The following TAF2 variants were observed in gnomAD, a reference collection of about 807,000 sequenced individuals.
The protein encoded by TAF2 is transcription initiation factor TFIID subunit 2.
Under a neutral mutation model 138.5 loss-of-function variants are expected in TAF2, and 61 were observed. The observed-to-expected ratio is 0.44, with a 90% confidence interval of 0.36 to 0.54. The LOEUF is 0.54. TAF2 is among the 20% of genes least tolerant of loss of function. TAF2 has a pLI of 0.00. For missense variants in TAF2, 1,090 were observed against 1,427.9 expected, an observed-to-expected ratio of 0.76 and a Z score of 3.81; for synonymous variants, 475 against 469.9, an observed-to-expected ratio of 1.01 and a Z score of -0.14.
intron 14 of TAF2, among the ~76,000 whole-genome samples, chr8:119,787,650 A>G (rs1823118232): frequency 6.6e-6 from 1 of 152,246 alleles, no homozygotes; most frequent in Non-Finnish European, 1.5e-5. Flanking sequence ...GGAAGTGTAA[A>G]TTAGTTCAAC....
intron 18 of TAF2, chr8:119,766,927 G>T (rs1821467458): frequency 6.6e-6 from 1 of 152,174 alleles, no homozygotes; most frequent in Non-Finnish European, 1.5e-5. Flanking sequence ...ATAGGGTAAA[G>T]AAGCGCTCTC....
intron 9 of TAF2, among the ~76,000 whole-genome samples, chr8:119,794,798 T>C (rs1480150897): frequency 1.3e-5 from 2 of 152,190 alleles, no homozygotes; most frequent in East Asian, 1.9e-4. Flanking sequence ...CTCTAGGTGT[T>C]TGAAGTCTTC....
chr8:119,821,962 G>A (rs1242451092), intron 2 of TAF2, among the ~76,000 whole-genome samples: 1 of 152,140 alleles, frequency 6.6e-6, no homozygotes, highest in Non-Finnish European at 1.5e-5. Context: ...AGCCTGGGAG[G>A]TTGAGGCTGC....
intron 2 of TAF2, among the ~76,000 whole-genome samples, chr8:119,820,789 T>G (rs976081048): frequency 6.2e-4 from 95 of 152,304 alleles, no homozygotes; most frequent in African/African-American, 2.1e-3. Flanking sequence ...ACACTTAAAT[T>G]AGAACAATCA....
At chr8:119,736,723 G>C (rs1442784593) in intron 25 of TAF2, among the ~76,000 whole-genome samples, 3 of 152,088 alleles carry the variant, frequency 2.0e-5, no homozygotes, top group African/African-American at 4.8e-5. Flanking sequence ...ATGAATTAAG[G>C]AATCTAGTTT....
intron 6 of TAF2, among the ~76,000 whole-genome samples, chr8:119,798,436 TC>T (rs1168040682): frequency 3.3e-5 from 5 of 152,170 alleles, no homozygotes; most frequent in Middle Eastern, 3.2e-3. Context: ...TCATATGCTA[TC>T]TCTTATTATG....
chr8:119,743,079 T>A (rs6998058), intron 24 of TAF2, among the ~76,000 whole-genome samples: 66,719 of 150,408 alleles, frequency 0.44, 15,186 homozygotes, highest in Admixed American at 0.53. Context: ...AAAAAAAAAA[T>A]TTAAAAAAAC....
chr8:119,810,017 A>AAAC (rs1554659431), intron 3 of TAF2, among the ~76,000 whole-genome samples: 2 of 151,340 alleles, frequency 1.3e-5, no homozygotes, highest in Non-Finnish European at 2.9e-5. Flanking sequence ...AAAAAAAAAA[A>AAAC]CAGTATCTGC....
chr8:119,791,561 G>T, intron 10 of TAF2, 102 bp from the exon 11 acceptor site: 1 of 1,323,696 alleles, frequency 7.6e-7, no homozygotes, highest in Non-Finnish European at 1.0e-6. Flanking sequence ...AACCTCAGGA[G>T]AATATATAAG....
intron 2 of TAF2, among the ~76,000 whole-genome samples, chr8:119,823,020 T>C (rs562468277): frequency 9.2e-5 from 14 of 152,280 alleles, no homozygotes; most frequent in Admixed American, 7.2e-4. Context: ...AATGGTCCTT[T>C]AGCACCCACT....
At chr8:119,803,747 A>G in intron 5 of TAF2, 131 bp downstream of exon 5, 1 of 971,066 alleles carries the variant, frequency 1.0e-6, no homozygotes, top group South Asian at 1.8e-5. Flanking sequence ...ACAGAAAGTA[A>G]TTTGAAAGAA....
intron 22 of TAF2, among the ~76,000 whole-genome samples, chr8:119,753,748 G>A (rs1322944065): frequency 1.3e-5 from 2 of 152,070 alleles, no homozygotes; most frequent in Admixed American, 1.3e-4. Flanking sequence ...TATTTATTTT[G>A]TCCAAAACAT....
chr8:119,806,138 G>C, intron 4 of TAF2, 145 bp downstream of exon 4: 1 of 734,310 alleles, frequency 1.4e-6, no homozygotes, highest in Non-Finnish European at 2.4e-6. Flanking sequence ...CTGATCTTAG[G>C]TGATCCACCC....
chr8:119,804,760 T>C (rs1228533642), intron 4 of TAF2, among the ~76,000 whole-genome samples: 9 of 152,206 alleles, frequency 5.9e-5, no homozygotes, highest in Non-Finnish European at 7.3e-5. Flanking sequence ...TTTCAAGTTC[T>C]TTCTCTTATT....
intron 2 of TAF2, among the ~76,000 whole-genome samples, chr8:119,823,183 C>A (rs1825895963): frequency 6.6e-6 from 1 of 152,128 alleles, no homozygotes; most frequent in East Asian, 1.9e-4. Context: ...GAATTTTGTG[C>A]CATCTTTTTC....
At chr8:119,791,293 C>T in intron 11 of TAF2, 31 bp downstream of exon 11, 7 of 1,608,086 alleles carry the variant, frequency 4.4e-6, no homozygotes, top group Non-Finnish European at 6.0e-6. Flanking sequence ...TCTTTATTTA[C>T]CATTGTTAAG....
intron 3 of TAF2, among the ~76,000 whole-genome samples, chr8:119,809,942 G>GA (rs1824922916): frequency 7.2e-6 from 1 of 138,134 alleles, no homozygotes; most frequent in Non-Finnish European, 1.5e-5. Context: ...TGTGTTGTTG[G>GA]AAAAATGGCA....
In TAF2 at chr8:119,791,409, C is replaced by G; in HGVS notation, c.1328G>C (p.Trp443Ser). ...FSIKHPHTLS[W>S]EYYSMFQCKA... is the part of the protein sequence containing the mutation. ...ACACTGAAACATACTGTAGTATTCC[C>G]AGGACAGTGTATGTGGATGCTTTAT... The change falls in exon 11 of 26, where the codon TGG (tryptophan) becomes TCG (serine). Residue 443 changes from tryptophan to serine, a missense_variant. This residue lies in a region of TAF2 where 504 missense variants were observed against 680.9 expected (regional missense o/e 0.74). Coordinates refer to ENST00000378164, the MANE Select transcript of TAF2 (RefSeq NM_003184.4). 6.2e-7 allele frequency: 1 copy of G among 1,613,760 alleles called. No individual in the cohort carries two copies. Among genetic ancestry groups the G allele is most frequent in the African/African-American group, 1.3e-5 (1 of 74,982 alleles).
chr8:119,800,457 T>C (rs901421289), intron 6 of TAF2, among the ~76,000 whole-genome samples: 4 of 152,198 alleles, frequency 2.6e-5, no homozygotes, highest in African/African-American at 2.4e-5. Context: ...TGGTTGTAGA[T>C]GTGTGGTATT....
Sources: gnomAD v4.1 joint callset for allele counts (sites outside exome capture counted in the v4.1 genomes callset) on GRCh38, gnomAD v4.1.1 for gene constraint, gnomAD v4.1.1 regional missense constraint, MANE v1.5 for transcripts, NCBI Gene and HGNC (gene_info 2026-07-23, HGNC 2026-07-21) for gene names.